The following MAP3K13 variants were observed in gnomAD, a reference collection of about 807,000 sequenced individuals.
The protein encoded by MAP3K13 is mitogen-activated protein kinase kinase kinase 13, also known as leucine zipper-bearing kinase.
MAP3K13 carries 52 observed loss-of-function variants against 104.0 expected under a neutral mutation model. That is an observed-to-expected ratio of 0.50 (90% CI 0.40 to 0.63). The LOEUF (loss-of-function observed/expected upper bound fraction) is 0.63. Among genes scored for constraint, MAP3K13 ranks in the 20% least tolerant of loss-of-function variants. The probability of loss-of-function intolerance (pLI) is 0.00; values close to 1 mark genes in which losing one functional copy is unlikely to be tolerated. For missense variants in MAP3K13, 914 were observed against 1,218.5 expected (o/e 0.75, Z 3.72); for synonymous variants, 394 against 442.2 (o/e 0.89, Z 1.37).
At position 185,450,826 on chromosome 3, in the gene MAP3K13, A is replaced by G. The variant is rs890090823; in HGVS notation, c.1170-461A>G. Among the ~76,000 whole-genome samples, 2 of 152,196 alleles carry G rather than the reference A, an allele frequency of 1.3e-5. No individual in the cohort carries two copies. The highest frequency in any genetic ancestry group is 1.3e-4 in the Admixed American group (2 of 15,278). On this transcript the variant is annotated intron_variant, in intron 6 of 13. Transcript: ENST00000265026. This position sits in a 1 kb window ranked among gnomAD's most constrained non-coding sequence, Gnocchi z 4.2. The stretch of plus-strand genomic sequence containing the variant: ...TGTTAAGGGCCGGGTACGGTGGCTC[A>G]CGCCTGTAATCCCAGCACTTTAGGA...
At position 185,364,365 on chromosome 3, in the gene MAP3K13, A is replaced by G. The variant is rs540144668; in HGVS notation, c.-86+997A>G. Among the ~76,000 whole-genome samples the G allele has an allele frequency of 8.5e-5, 13 of 152,312 alleles. No individual in the cohort carries two copies. In the South Asian group the frequency reaches 2.7e-3, roughly 32 times the overall value. ...GCCCCTGGGGCAGCTCCTCAACCCG[A>G]ATAATCTGACAGCATTTCCCAACTG... On this transcript the variant is annotated intron_variant, in intron 1 of 13. Coordinates refer to ENST00000265026, the MANE Select transcript of MAP3K13 (RefSeq NM_004721.5).
chr3:185,385,328 T>TTTG (rs562304440), intron 1 of MAP3K13, among the ~76,000 whole-genome samples: 130 of 152,060 alleles, frequency 8.5e-4, no homozygotes, highest in Non-Finnish European at 1.2e-3. Flanking sequence ...TTTTTGTATT[T>TTTG]TTGTTGTTGT....
intron 3 of MAP3K13, among the ~76,000 whole-genome samples, chr3:185,442,528 CTTT>C (rs1035923216): frequency 6.7e-6 from 1 of 148,418 alleles, no homozygotes; most frequent in Non-Finnish European, 1.5e-5. Context: ...TAAATTATTC[CTTT>C]TTTTTCTTTT....
At position 185,473,376 on chromosome 3, in the gene MAP3K13, C is replaced by T. The variant is rs960723292; in HGVS notation, c.2045C>T (p.Pro682Leu). ...YFGPAAALRS[P>L]LSNHAQRQLP... ...GGCCCAGCAGCAGCCCTGCGGAGCC[C>T]ACTCAGCAACCATGCTCAGAGACAG... The change falls in exon 11 of 14, where the codon CCA becomes CTA. Residue 682 changes from proline (P) to leucine (L), a missense_variant. Pro to Leu is a moderately conservative substitution (Grantham distance 98, BLOSUM62 -3). This residue lies in a region of MAP3K13 where 583 missense variants were observed against 737.4 expected (regional missense o/e 0.79). Transcript: ENST00000265026. The surrounding 1 kb of genome is among the most constrained non-coding windows in gnomAD (Gnocchi z 4.9). The T allele has an allele frequency of 3.7e-6, 6 of 1,614,140 alleles. No homozygotes were observed. The highest frequency in any genetic ancestry group is 5.1e-6 in the Non-Finnish European group (6 of 1,180,060).
chr3:185,333,320 C>T (rs144971459), intron 2 of MAP3K13, among the ~76,000 whole-genome samples: 58 of 152,044 alleles, frequency 3.8e-4, no homozygotes, highest in African/African-American at 1.2e-3. Context: ...ATTGGAATAA[C>T]ATTGGATTGT....
chr3:185,447,286 T>C (rs1715640337), intron 4 of MAP3K13, among the ~76,000 whole-genome samples: 1 of 150,112 alleles, frequency 6.7e-6, no homozygotes. Context: ...AGGTCAGGAG[T>C]TCGAGACCAG....
At chr3:185,347,047 C>T (rs1235574858) in intron 2 of MAP3K13, among the ~76,000 whole-genome samples, 1 of 143,392 alleles carries the variant, frequency 7.0e-6, no homozygotes, top group Non-Finnish European at 1.5e-5. Context: ...AGTGCAGTGG[C>T]GCAATCTCGG....
rs1560118611 is a variant in MAP3K13 at position 185,455,179 on chromosome 3, T to TGTGA, written c.1278+3785_1278+3786insTGAG. ...ATATATGATATATATGAGATATATA[T>TGTGA]GATATATATGAGATATATATATGAT... On this transcript the variant is annotated intron_variant, in intron 7 of 13. Coordinates refer to ENST00000265026, the MANE Select transcript of MAP3K13 (RefSeq NM_004721.5). Among the ~76,000 whole-genome samples, 21 of 96,272 alleles carry TGTGA rather than the reference T, an allele frequency of 2.2e-4. 1 individual carries two copies. The highest frequency in any genetic ancestry group is 5.9e-4 in the East Asian group (2 of 3,374). The allele number at this position is 96,272 out of a possible 152,430, so 63.2% of individuals were successfully genotyped here. A position where few individuals can be genotyped will look rare whatever the true frequency, so the allele number is the denominator to read the frequency against.
intron 4 of MAP3K13, among the ~76,000 whole-genome samples, chr3:185,445,968 T>C (rs529863047): frequency 2.1e-4 from 32 of 152,330 alleles, no homozygotes; most frequent in Middle Eastern, 3.4e-3. Context: ...ATATATCCCA[T>C]AATATTTTAA....
chr3:185,455,945 A>T (rs910948153), intron 7 of MAP3K13, among the ~76,000 whole-genome samples: 9 of 145,460 alleles, frequency 6.2e-5, no homozygotes, highest in Non-Finnish European at 1.2e-4. Context: ...TGAGATATAT[A>T]TATGATGTAT....
chr3:185,440,959 T>C (rs572919024), intron 3 of MAP3K13, among the ~76,000 whole-genome samples: 1 of 152,356 alleles, frequency 6.6e-6, no homozygotes, highest in Non-Finnish European at 1.5e-5. Flanking sequence ...ACTATGATCA[T>C]TCCCTTTTAT....
chr3:185,445,661 G>C (rs565183634), intron 4 of MAP3K13, among the ~76,000 whole-genome samples: 1 of 152,238 alleles, frequency 6.6e-6, no homozygotes, highest in Admixed American at 6.5e-5. Context: ...AACCCCAGCA[G>C]CGTTGGCTTC....
chr3:185,369,064 A>C (rs1268688837), intron 1 of MAP3K13, among the ~76,000 whole-genome samples: 4 of 152,184 alleles, frequency 2.6e-5, no homozygotes, highest in Non-Finnish European at 5.9e-5. Flanking sequence ...ATGAGTTCTA[A>C]GTATTAGGTA....
intron 13 of MAP3K13, among the ~76,000 whole-genome samples, chr3:185,481,705 C>T (rs974757088): frequency 6.6e-6 from 1 of 152,224 alleles, no homozygotes; most frequent in Non-Finnish European, 1.5e-5. Context: ...TGGCAAGCCA[C>T]TTAACCTCTC....
At chr3:185,437,112 G>C (rs775057235) in intron 2 of MAP3K13, among the ~76,000 whole-genome samples, 1 of 151,682 alleles carries the variant, frequency 6.6e-6, no homozygotes, top group Non-Finnish European at 1.5e-5. Context: ...ATGGGGTAGG[G>C]ATAGTTGCAT....
At chr3:185,397,954 AG>A (rs1352004598) in intron 1 of MAP3K13, among the ~76,000 whole-genome samples, 1 of 152,150 alleles carries the variant, frequency 6.6e-6, no homozygotes, top group Non-Finnish European at 1.5e-5. Flanking sequence ...CTGCACATAA[AG>A]GGAACTGGCA....
chr3:185,362,826 A>T (rs775490920), upstream of MAP3K13, among the ~76,000 whole-genome samples: 6 of 152,032 alleles, frequency 3.9e-5, no homozygotes, highest in Non-Finnish European at 7.4e-5. Flanking sequence ...AAAAGATGGG[A>T]TTTCTTCTAT....
At position 185,296,124 on chromosome 3, in the gene MAP3K13, GTCCCAGCTAC is replaced by G. The variant is rs1720910543; in HGVS notation, c.-86+10484_-86+10493del. ...CCGGGCATTGTGGCACACACCTGTA[GTCCCAGCTAC>G]TCAGGAGGCTGAGGTGGAAGGATTG... On this transcript the variant is annotated intron_variant, in intron 2 of 14. Coordinates refer to the MAP3K13 transcript ENST00000424227. 6.6e-5 allele frequency among the ~76,000 whole-genome samples: 10 copies of G among 152,282 alleles called. No homozygotes were observed. The South Asian group carries it at 1.0e-3, about 16-fold the overall frequency.
chr3:185,375,054 C>T (rs1198175234), intron 1 of MAP3K13, among the ~76,000 whole-genome samples: 2 of 152,216 alleles, frequency 1.3e-5, no homozygotes, highest in Admixed American at 1.3e-4. Context: ...AACCAGGCAC[C>T]ACTGAATACC....
Sources: gnomAD v4.1 joint callset for allele counts (sites outside exome capture counted in the v4.1 genomes callset) on GRCh38, gnomAD v4.1.1 for gene constraint, gnomAD v4.1.1 regional missense constraint, Gnocchi (gnomAD v3.1) non-coding constraint, MANE v1.5 for transcripts, NCBI Gene and HGNC (gene_info 2026-07-23, HGNC 2026-07-21) for gene names.